TENM3: variants seen among roughly 807,000 people sequenced by gnomAD.
TENM3 encodes teneurin-3.
In TENM3, 63 loss-of-function variants were observed where a neutral mutation model predicts 255.1. The observed-to-expected ratio is 0.25, with a 90% CI of 0.20 to 0.30. TENM3 has a LOEUF of 0.30. Among genes scored for constraint, TENM3 ranks in the 10% least tolerant of loss-of-function variants. TENM3 has a pLI of 1.00. For synonymous variants in TENM3, 1,306 were observed against 1,322.3 expected (o/e 0.99, Z 0.27); for missense variants, 2,929 against 3,461.1 (o/e 0.85, Z 3.86).
chr4:181,943,842 A>G, the TENM3 span, among the ~76,000 whole-genome samples: 1 of 152,194 alleles, frequency 6.6e-6, no homozygotes. Flanking sequence ...ACGTTTCCGC[A>G]GGGCCCACAG....
chr4:182,697,599 GGA>G (rs1271952373), intron 12 of TENM3, among the ~76,000 whole-genome samples: 1 of 152,122 alleles, frequency 6.6e-6, no homozygotes, highest in Non-Finnish European at 1.5e-5. Context: ...TCAGAACTCG[GGA>G]GTATCACCCA....
chr4:182,730,328 G>A lies in TENM3; in HGVS notation c.2705+9G>A, dbSNP rs1471428455. On this transcript the variant is annotated intron_variant, in intron 15 of 27. Transcript: ENST00000511685. ...ACCCGCCAGGACGGAATGTGAGTTA[G>A]TCCCATCACACTATCTCTGAAGGAT... 1 of 1,613,270 alleles carries A rather than the reference G, an allele frequency of 6.2e-7. No individual in the cohort carries two copies. The highest frequency in any genetic ancestry group is 8.5e-7 in the Non-Finnish European group (1 of 1,179,636).
At chr4:182,781,937 TTC>T (rs1230560334) in intron 24 of TENM3, among the ~76,000 whole-genome samples, 4 of 149,558 alleles carry the variant, frequency 2.7e-5, no homozygotes, top group Non-Finnish European at 6.0e-5. Flanking sequence ...TATTAGATTC[TTC>T]TCTCTTTTTT....
intron 3 of TENM3, among the ~76,000 whole-genome samples, chr4:182,561,711 A>G (rs142480957): frequency 1.4e-3 from 218 of 152,226 alleles, no homozygotes; most frequent in African/African-American, 5.1e-3. Flanking sequence ...ATTCTATAGA[A>G]TAGTTATGTA....
the TENM3 span, among the ~76,000 whole-genome samples, chr4:181,680,138 T>G: frequency 6.6e-6 from 1 of 152,114 alleles, no homozygotes; most frequent in Non-Finnish European, 1.5e-5. Flanking sequence ...TTCGTGAAGG[T>G]AAACCCTTTG....
intron 6 of TENM3, among the ~76,000 whole-genome samples, chr4:182,664,594 C>T (rs1055442134): frequency 2.0e-5 from 3 of 152,158 alleles, no homozygotes; most frequent in Non-Finnish European, 2.9e-5. Flanking sequence ...AAGATGAGAT[C>T]GGCTGAAAGC....
the TENM3 span, among the ~76,000 whole-genome samples, chr4:182,105,400 C>A: frequency 6.6e-6 from 1 of 152,142 alleles, no homozygotes; most frequent in Non-Finnish European, 1.5e-5. Flanking sequence ...ATAGTCAACA[C>A]AAGACAACCC....
chr4:182,192,983 A>T (rs1753614171), intron 1 of TENM3, among the ~76,000 whole-genome samples: 1 of 152,182 alleles, frequency 6.6e-6, no homozygotes, highest in African/African-American at 2.4e-5. Context: ...CTGAACCAGC[A>T]ATTACTCACC....
At chr4:182,363,592 A>G (rs1351630187) in intron 3 of TENM3, among the ~76,000 whole-genome samples, 1 of 152,144 alleles carries the variant, frequency 6.6e-6, no homozygotes, top group East Asian at 1.9e-4. Flanking sequence ...TTAAGTTTTT[A>G]ATGAACACTC....
chr4:181,691,901 T>C, the TENM3 span, among the ~76,000 whole-genome samples: 1 of 152,222 alleles, frequency 6.6e-6, no homozygotes, highest in Non-Finnish European at 1.5e-5. Flanking sequence ...TTTTATTTGC[T>C]AACGCTGTGG....
At chr4:182,383,328 C>A (rs1767694755) in intron 3 of TENM3, among the ~76,000 whole-genome samples, 1 of 152,102 alleles carries the variant, frequency 6.6e-6, no homozygotes, top group South Asian at 2.1e-4. Context: ...TAAATCTGGG[C>A]TATGTGGGCC....
At chr4:182,709,501 GT>G (rs1758590620) in intron 12 of TENM3, among the ~76,000 whole-genome samples, 2 of 152,172 alleles carry the variant, frequency 1.3e-5, no homozygotes, top group South Asian at 4.2e-4. Flanking sequence ...ATGCTGAATT[GT>G]TTTTATGATT....
At chr4:181,979,051 C>T in the TENM3 span, among the ~76,000 whole-genome samples, 1 of 125,176 alleles carries the variant, frequency 8.0e-6, no homozygotes, top group Non-Finnish European at 1.6e-5. Flanking sequence ...CTTAACTATT[C>T]TACATTTTTG....
chr4:182,774,739 A>G (rs1203663568), intron 23 of TENM3, among the ~76,000 whole-genome samples, 179 bp from the exon 24 acceptor site: 6 of 152,070 alleles, frequency 3.9e-5, no homozygotes, highest in Non-Finnish European at 7.4e-5. Flanking sequence ...ATTTAGCCAA[A>G]CCTCTGACAG....
At chr4:182,131,252 G>A in the TENM3 span, among the ~76,000 whole-genome samples, 3 of 152,194 alleles carry the variant, frequency 2.0e-5, no homozygotes, top group East Asian at 1.9e-4. Flanking sequence ...AATGTGCCCA[G>A]TACAAGCAAT....
intron 1 of TENM3, among the ~76,000 whole-genome samples, chr4:182,163,561 T>G (rs1217452244): frequency 1.3e-5 from 2 of 152,242 alleles, no homozygotes; most frequent in Non-Finnish European, 2.9e-5. Context: ...GCCCCCATGC[T>G]GCTATAGTGT....
chr4:181,598,555 G>A, the TENM3 span, among the ~76,000 whole-genome samples: 1 of 151,960 alleles, frequency 6.6e-6, no homozygotes, highest in Non-Finnish European at 1.5e-5. Flanking sequence ...GGGACACAAT[G>A]AAAAGATATT....
At chr4:182,313,538 A>T (rs1309472042) in intron 1 of TENM3, among the ~76,000 whole-genome samples, 1 of 152,150 alleles carries the variant, frequency 6.6e-6, no homozygotes, top group Admixed American at 6.6e-5. Flanking sequence ...TACATACAGC[A>T]TATGCATGGA....
intron 2 of TENM3, among the ~76,000 whole-genome samples, chr4:182,342,652 TG>T (rs984092631): frequency 2.6e-5 from 4 of 152,184 alleles, no homozygotes; most frequent in Non-Finnish European, 4.4e-5. Flanking sequence ...TAAAACTGTT[TG>T]TTTTTTTAAA....
Sources: gnomAD v4.1 joint callset for allele counts (sites outside exome capture counted in the v4.1 genomes callset) on GRCh38, gnomAD v4.1.1 for gene constraint, MANE v1.5 for transcripts, NCBI Gene and HGNC (gene_info 2026-07-23, HGNC 2026-07-21) for gene names.